The following MASTL variants were observed in gnomAD, a reference collection of about 807,000 sequenced individuals.
MASTL encodes serine/threonine-protein kinase greatwall.
MASTL carries 54 observed loss-of-function variants against 82.5 expected under a neutral mutation model. The observed-to-expected ratio is 0.65, with a 90% CI of 0.53 to 0.82. The LOEUF is 0.82. MASTL is among the 40% of genes least tolerant of loss of function. MASTL has a pLI of 0.00. For missense variants in MASTL, 950 were observed against 1,047.8 expected (o/e 0.91, Z 1.29); for synonymous variants, 323 against 368.9 (o/e 0.88, Z 1.43).
At chr10:27,160,267 G>A (rs1213703191) in intron 3 of MASTL, among the ~76,000 whole-genome samples, 1 of 135,996 alleles carries the variant, frequency 7.4e-6, no homozygotes, top group African/African-American at 2.8e-5. Context: ...AAAATGCTAC[G>A]ATTACAGGCA....
In MASTL at chr10:27,186,601, T is replaced by C; in HGVS notation, c.*65T>C. 7 of 1,325,788 alleles carry C rather than the reference T, an allele frequency of 5.3e-6. No individual in the cohort carries two copies. The highest frequency in any genetic ancestry group is 7.6e-6 in the Non-Finnish European group (7 of 916,392). The allele number at this position is 1,325,788 out of a possible 1,614,324, so 82.1% of individuals were successfully genotyped here. A position where few individuals can be genotyped will look rare whatever the true frequency, so the allele number is the denominator to read the frequency against. ...ATGAACTTGCATAATTATATACTCC[T>C]TAATACTAGATTGATCTAAGGGGGA... is the stretch of plus-strand genomic sequence containing the variant. On this transcript the variant is annotated 3_prime_UTR_variant, in exon 12 of 12. Transcript: ENST00000375940.
At chr10:27,156,030 A>T (rs1211508177) in intron 1 of MASTL, among the ~76,000 whole-genome samples, 5 of 151,798 alleles carry the variant, frequency 3.3e-5, no homozygotes, top group South Asian at 4.1e-4. Flanking sequence ...TTTGAGGCGG[A>T]GTCTTGCTCT....
chr10:27,171,516 T>C (rs2057936162), intron 8 of MASTL, among the ~76,000 whole-genome samples: 1 of 151,300 alleles, frequency 6.6e-6, no homozygotes, highest in Non-Finnish European at 1.5e-5. Flanking sequence ...CATTGCACAC[T>C]TCACCCCCAG....
At chr10:27,175,932 ACTAAAAATAC>A (rs1198756080) in intron 9 of MASTL, among the ~76,000 whole-genome samples, 1 of 152,006 alleles carries the variant, frequency 6.6e-6, no homozygotes, top group Non-Finnish European at 1.5e-5. Flanking sequence ...CCCCATCTCT[ACTAAAAATAC>A]AAAAATTAGC....
At chr10:27,164,920 G>T (rs1420991268) in intron 4 of MASTL, 144 bp from the exon 5 acceptor site, 16 of 628,628 alleles carry the variant, frequency 2.5e-5, no homozygotes, top group Non-Finnish European at 3.7e-5. Context: ...TTATAGGTGT[G>T]AGCCACCGTG....
In MASTL at chr10:27,186,517, T is replaced by A; in HGVS notation, c.2621T>A (p.Val874Glu). The change falls in exon 12 of 12, where the codon GTA becomes GAA. Residue 874 changes from valine to glutamate, a missense_variant. Val to Glu is a moderately radical substitution (Grantham distance 121). Coordinates refer to ENST00000375940, the MANE Select transcript of MASTL (RefSeq NM_001172303.3). ...EARNTAQHLT[V>E]SGFSL is the part of the protein sequence containing the mutation. ...AGGAATACTGCTCAGCACCTGACTG[T>A]ATCTGGATTTAGTCTGTAGCACAAA... is the stretch of plus-strand genomic sequence containing the variant. 6.2e-7 allele frequency: 1 copy of A among 1,614,018 alleles called. No individual in the cohort carries two copies. Among genetic ancestry groups the A allele is most frequent in the Non-Finnish European group, 8.5e-7 (1 of 1,179,954 alleles).
intron 9 of MASTL, among the ~76,000 whole-genome samples, chr10:27,179,072 T>G (rs1220465183): frequency 6.6e-6 from 1 of 152,216 alleles, no homozygotes; most frequent in Non-Finnish European, 1.5e-5. Context: ...TAAAGAATTT[T>G]GTGAAGTTGT....
In MASTL at chr10:27,187,295, G is replaced by A. The variant is rs761850969; in HGVS notation, c.*759G>A. On this transcript the variant is annotated 3_prime_UTR_variant, in exon 12 of 12. Coordinates refer to ENST00000375940, the MANE Select transcript of MASTL (RefSeq NM_001172303.3). ...AGCCTGGGCAACAGAACAAGACTCC[G>A]TCTCAAAAAAATAAAGGCAGCTGGA... 6.6e-6 allele frequency among the ~76,000 whole-genome samples: 1 copy of A among 151,992 alleles called. No individual in the cohort carries two copies.
Position 27,186,519 on chromosome 10 carries a change from T to C in MASTL, c.2623T>C (p.Ser875Pro). The change falls in exon 12 of 12, where the codon TCT becomes CCT. Residue 875 changes from serine to proline, a missense_variant. Ser to Pro is a moderately conservative substitution (Grantham distance 74, BLOSUM62 -1). Transcript: ENST00000375940. Reference protein sequence around the residue: ...ARNTAQHLTVSGFSL With the variant: ...ARNTAQHLTVPGFSL Reference sequence around the variant, plus strand: ...GAATACTGCTCAGCACCTGACTGTATCTGGATTTAGTCTGTAGCACAAAAA... The same window carrying C: ...GAATACTGCTCAGCACCTGACTGTACCTGGATTTAGTCTGTAGCACAAAAA... 6.2e-7 allele frequency: 1 copy of C among 1,614,032 alleles called. No individual in the cohort carries two copies. The highest frequency in any genetic ancestry group is 8.5e-7 in the Non-Finnish European group (1 of 1,179,952).
intron 9 of MASTL, 58 bp downstream of exon 9, chr10:27,173,317 AG>A: frequency 6.2e-7 from 1 of 1,608,214 alleles, no homozygotes; most frequent in Non-Finnish European, 8.5e-7. Context: ...TTATCTTTCA[AG>A]GTTAAATTTT....
chr10:27,174,153 G>A (rs537371097), intron 9 of MASTL, among the ~76,000 whole-genome samples: 4 of 151,782 alleles, frequency 2.6e-5, no homozygotes, highest in African/African-American at 7.2e-5. Flanking sequence ...CCAGGAGTTC[G>A]AGACCAAGCT....
At position 27,187,492 on chromosome 10, in the gene MASTL, C is replaced by A. The variant is rs1301215227; in HGVS notation, c.*956C>A. Among the ~76,000 whole-genome samples the A allele has an allele frequency of 6.6e-6, 1 of 152,026 alleles. No individual in the cohort carries two copies. The highest frequency in any genetic ancestry group is 1.5e-5 in the Non-Finnish European group (1 of 67,994). Reference sequence around the variant, plus strand: ...GGAGGACGGGTGCGATGGCTCATGCCTGTAATCCCGGCACTTTGGGAGGCT... The same window carrying A: ...GGAGGACGGGTGCGATGGCTCATGCATGTAATCCCGGCACTTTGGGAGGCT... On this transcript the variant is annotated 3_prime_UTR_variant, in exon 12 of 12. Coordinates refer to ENST00000375940, the MANE Select transcript of MASTL (RefSeq NM_001172303.3).
At position 27,169,925 on chromosome 10, in the gene MASTL, A is replaced by G. The variant is rs770578725; in HGVS notation, c.985-19A>G. 22 of 1,613,294 alleles carry G rather than the reference A, an allele frequency of 1.4e-5. No homozygotes were observed. In the Admixed American group the frequency reaches 2.3e-4, roughly 17 times the overall value. On this transcript the variant is annotated intron_variant, in intron 7 of 11. Transcript: ENST00000375940. ...TCTCAGCTTTATATAACTAAAACAA[A>G]TATTTTTTTCCCTCTTAGGAAAGTG...
intron 11 of MASTL, among the ~76,000 whole-genome samples, chr10:27,183,166 A>G (rs2058424075): frequency 6.6e-6 from 1 of 152,186 alleles, no homozygotes; most frequent in African/African-American, 2.4e-5. Flanking sequence ...CTCAAGACAA[A>G]CTTGGTATAT....
In MASTL at chr10:27,161,083, TG is replaced by T; in HGVS notation, c.465-10del. 6.3e-7 allele frequency: 1 copy of T among 1,586,884 alleles called. No homozygotes were observed. Among genetic ancestry groups the T allele is most frequent in the Non-Finnish European group, 8.7e-7 (1 of 1,155,248 alleles). On this transcript the variant is annotated splice_polypyrimidine_tract_variant and intron_variant, in intron 3 of 11. Coordinates refer to ENST00000375940, the MANE Select transcript of MASTL (RefSeq NM_001172303.3). ...TTTTGGTTATCTAATATTTGCCTTT[TG>T]TGTGTGCAGGGACTTGAAACCGGAC...
chr10:27,166,960 A>G, intron 6 of MASTL, 142 bp from the exon 7 acceptor site: 1 of 674,060 alleles, frequency 1.5e-6, no homozygotes, highest in Non-Finnish European at 2.6e-6. Context: ...AGTGTTTACA[A>G]AGAAATAGTT....
chr10:27,173,059 T>G, intron 8 of MASTL, 59 bp from the exon 9 acceptor site: 1 of 1,595,256 alleles, frequency 6.3e-7, no homozygotes, highest in African/African-American at 1.3e-5. Flanking sequence ...TTCACCATTT[T>G]CTATTCGGTG....
intron 4 of MASTL, among the ~76,000 whole-genome samples, chr10:27,164,279 G>A (rs1564486808): frequency 6.6e-6 from 1 of 152,106 alleles, no homozygotes; most frequent in African/African-American, 2.4e-5. Context: ...CAGTAGCTGG[G>A]ACTACAGGTG....
intron 9 of MASTL, among the ~76,000 whole-genome samples, chr10:27,179,594 A>G (rs2058209373): frequency 6.6e-6 from 1 of 152,146 alleles, no homozygotes; most frequent in Non-Finnish European, 1.5e-5. Context: ...CTTTGTATAT[A>G]AATTTTGCAT....
Sources: allele counts gnomAD v4.1 joint callset (sites outside exome capture counted in the v4.1 genomes callset), GRCh38; gene constraint gnomAD v4.1.1; transcripts MANE v1.5; gene names NCBI Gene and HGNC (gene_info 2026-07-23, HGNC 2026-07-21).